Variants in RNF213 observed in about 807,000 individuals in gnomAD.
RNF213 encodes ring finger protein 213.
RNF213 carries 341 observed loss-of-function variants against 514.4 expected under a neutral mutation model. The ratio of observed to expected loss-of-function variants is 0.66; its 90% CI spans 0.61 to 0.73. The LOEUF (loss-of-function observed/expected upper bound fraction) is 0.73, where lower values mean the gene tolerates loss of function less well. Among genes scored for constraint, RNF213 ranks in the 30% least tolerant of loss-of-function variants. RNF213 has a pLI of 0.00. For missense variants in RNF213, 5,767 were observed against 6,615.6 expected, an observed-to-expected ratio of 0.87 and a Z score of 4.45; for synonymous variants, 2,655 against 2,658.2, an observed-to-expected ratio of 1.00 and a Z score of 0.04.
chr17:80,327,819 C>T lies in RNF213; in HGVS notation c.3197C>T (p.Thr1066Ile). The T allele has an allele frequency of 6.5e-7, 1 of 1,535,802 alleles. No individual in the cohort carries two copies. Among genetic ancestry groups the T allele is most frequent in the Non-Finnish European group, 8.7e-7 (1 of 1,145,740 alleles). The change falls in exon 19 of 68, where the codon ACC (threonine) becomes ATC (isoleucine). Residue 1066 changes from threonine to isoleucine, a missense_variant. Thr to Ile is a moderately conservative substitution (Grantham distance 89). Transcript: ENST00000582970. ...ACTGTGTTCTTCATCTATTCAGGAA[C>T]CGACGAGAAAATACTAGCAAATGTC... ...DVKHVFRLCGTDEKILANVTE... is the reference protein window; with the variant it reads ...DVKHVFRLCGIDEKILANVTE...
At chr17:80,330,029 A>G (rs762003841) in intron 20 of RNF213, among the ~76,000 whole-genome samples, 5 of 151,980 alleles carry the variant, frequency 3.3e-5, no homozygotes, top group African/African-American at 7.2e-5. Flanking sequence ...CGGATTTTCT[A>G]TCTCTGTTTT....
intron 15 of RNF213, 104 bp downstream of exon 15, chr17:80,313,271 C>G (rs567897744): frequency 1.4e-6 from 2 of 1,426,760 alleles, no homozygotes; most frequent in African/African-American, 2.8e-5. Context: ...CAGTTGTTGG[C>G]CTTCACCTGA....
rs1015511932 is a variant in RNF213, at chr17:80,264,277, G to T, written c.97+499G>T. Among the ~76,000 whole-genome samples the T allele has an allele frequency of 1.3e-5, 2 of 152,188 alleles. No homozygotes were observed. Among genetic ancestry groups the T allele is most frequent in the African/African-American group, 4.8e-5 (2 of 41,460 alleles). On this transcript the variant is annotated intron_variant, in intron 2 of 67. Coordinates refer to ENST00000582970, the MANE Select transcript of RNF213 (RefSeq NM_001256071.3). This position sits in a 1 kb window ranked among gnomAD's most constrained non-coding sequence, Gnocchi z 5.0. Reference sequence around the variant, plus strand: ...GCAGGGAAGCAGAGTTTGAGGCTCTGCAGGGGTTGAGAGCTCTGCCTGGGT... The same window carrying T: ...GCAGGGAAGCAGAGTTTGAGGCTCTTCAGGGGTTGAGAGCTCTGCCTGGGT...
At chr17:80,329,085 C>T (rs1287065489) in intron 20 of RNF213, among the ~76,000 whole-genome samples, 6 of 152,224 alleles carry the variant, frequency 3.9e-5, no homozygotes, top group African/African-American at 1.4e-4. Flanking sequence ...AAGGAACCTG[C>T]CAACCCTGGG....
rs990482168 is a variant in RNF213, at chr17:80,333,087, C to T, written c.4143+456C>T. Among the ~76,000 whole-genome samples the T allele has an allele frequency of 4.0e-5, 6 of 150,992 alleles. No individual in the cohort carries two copies. In the South Asian group the frequency reaches 6.2e-4, roughly 16 times the overall value. On this transcript the variant is annotated intron_variant, in intron 21 of 67. Coordinates refer to ENST00000582970, the MANE Select transcript of RNF213 (RefSeq NM_001256071.3). Reference sequence around the variant, plus strand: ...TTTTTGAGATGGAGTCTCGCTCTGTCGTCCAGGCTGGAGTGCAGTGGCGCG... The same window carrying T: ...TTTTTGAGATGGAGTCTCGCTCTGTTGTCCAGGCTGGAGTGCAGTGGCGCG...
At chr17:80,283,123 T>C (rs1356676161) in intron 3 of RNF213, among the ~76,000 whole-genome samples, 1 of 152,088 alleles carries the variant, frequency 6.6e-6, no homozygotes, top group African/African-American at 2.4e-5. Flanking sequence ...GCTATGGTTA[T>C]GTAGTTCGAG....
Position 80,327,901 on chromosome 17 carries a change from T to C in RNF213, c.3279T>C (p.Val1093=), listed in dbSNP as rs2046320539. 6.5e-7 allele frequency: 1 copy of C among 1,537,282 alleles called. No homozygotes were observed. Among genetic ancestry groups the C allele is most frequent in the Non-Finnish European group, 8.7e-7 (1 of 1,146,904 alleles). The stretch of plus-strand genomic sequence containing the variant: ...CCGACTCTGTGTTGACGAAAGTTGT[T>C]GGTGACCTCCTAAGTGGCACGATTT... ...AVADSVLTKV[V]GDLLSGTILV... is the part of the protein sequence containing the mutation. The change falls in exon 19 of 68, where the codon GTT becomes GTC. Residue 1093 remains valine (V), a synonymous_variant. Transcript: ENST00000582970.
In RNF213 at chr17:80,317,535, C is replaced by A. The variant is rs564901999; in HGVS notation, c.2901+258C>A. On this transcript the variant is annotated intron_variant, in intron 16 of 67. Transcript: ENST00000582970. The surrounding 1 kb of genome is among the most constrained non-coding windows in gnomAD (Gnocchi z 4.1). ...TGGGGGTGCGGGATTTTTCCTGACC[C>A]CTTCGTTGGACTTGCGACAGGGATG... is the stretch of plus-strand genomic sequence containing the variant. Among the ~76,000 whole-genome samples the A allele has an allele frequency of 2.6e-4, 39 of 152,294 alleles. No homozygotes were observed. The highest frequency in any genetic ancestry group is 5.0e-4 in the Non-Finnish European group (34 of 68,032).
intron 23 of RNF213, chr17:80,336,900 C>A: frequency 2.1e-5 from 4 of 187,266 alleles, no homozygotes; most frequent in Non-Finnish European, 3.4e-5. Context: ...GACTCTGTCT[C>A]AAAAAAAAGA....
At chr17:80,293,594 CG>C in intron 8 of RNF213, among the ~76,000 whole-genome samples, 1 of 151,860 alleles carries the variant, frequency 6.6e-6, no homozygotes, top group African/African-American at 2.4e-5. Context: ...GAGGCCGAGG[CG>C]GGCGGATCAC....
intron 2 of RNF213, among the ~76,000 whole-genome samples, chr17:80,265,496 C>T (rs547760759): frequency 1.3e-5 from 2 of 152,318 alleles, no homozygotes; most frequent in East Asian, 3.9e-4. Context: ...GTACATGATG[C>T]TTTTGAACAT....
At position 80,288,372 on chromosome 17, in the gene RNF213, T is replaced by G. The variant is rs1000318454; in HGVS notation, c.810+9T>G. 1.2e-6 allele frequency: 2 copies of G among 1,611,636 alleles called. No homozygotes were observed. The highest frequency in any genetic ancestry group is 1.7e-6 in the Non-Finnish European group (2 of 1,179,914). On this transcript the variant is annotated intron_variant, in intron 4 of 67. Transcript: ENST00000582970. This position sits in a 1 kb window ranked among gnomAD's most constrained non-coding sequence, Gnocchi z 4.9. ...GGGCCTCAGCCTCTATGGTGAGTCA[T>G]CCGGGAGAGATGGCCTGGGAGTGGC...
rs1343037103 is a variant in RNF213 at position 80,317,301 on chromosome 17, T to G, written c.2901+24T>G. On this transcript the variant is annotated intron_variant, in intron 16 of 67. Transcript: ENST00000582970. The surrounding 1 kb of genome is among the most constrained non-coding windows in gnomAD (Gnocchi z 4.1). ...AGGTACCAAAAGTTTGGGGGCAGTC[T>G]TTTCAGGGCGTGAAGGCAAGCTGGA... 2 of 1,605,636 alleles carry G rather than the reference T, an allele frequency of 1.2e-6. No individual in the cohort carries two copies. The highest frequency in any genetic ancestry group is 1.7e-6 in the Non-Finnish European group (2 of 1,176,322).
At chr17:80,361,261 T>C (rs1276280204) in intron 38 of RNF213, among the ~76,000 whole-genome samples, 10 of 152,204 alleles carry the variant, frequency 6.6e-5, no homozygotes, top group African/African-American at 1.9e-4. Flanking sequence ...CCAGGCGCAG[T>C]GGTTCACAAC....
intron 3 of RNF213, among the ~76,000 whole-genome samples, chr17:80,274,570 C>T (rs72847097): frequency 0.27 from 12,997 of 47,846 alleles, 2,368 homozygotes; most frequent in Non-Finnish European, 0.36. Flanking sequence ...GTGATGCAGC[C>T]GCAGTGCTGT....
At position 80,332,387 on chromosome 17, in the gene RNF213, T is replaced by C. The variant is rs2046440018; in HGVS notation, c.3899T>C (p.Leu1300Pro). ...GATCTAAAGTCAGGAGAGGTCACCC[T>C]TGCAGAGATTGATGTCATCTTCAAG... ...HQDLKSGEVT[L>P]AEIDVIFKDF... Residue 1300 changes from leucine to proline, a missense_variant, in exon 21 of 68, where the codon CTT becomes CCT. Around this residue, in one of 13 missense-constraint regions of RNF213, gnomAD observed 516 missense variants for 566.5 expected, o/e 0.91. Transcript: ENST00000582970. 6.5e-7 allele frequency: 1 copy of C among 1,537,064 alleles called. No homozygotes were observed. Among genetic ancestry groups the C allele is most frequent in the African/African-American group, 1.4e-5 (1 of 73,052 alleles).
At position 80,353,991 on chromosome 17, in the gene RNF213, C is replaced by T. The variant is rs1230460335; in HGVS notation, c.10579-28C>T. ...TTGCCCACTGTGTCAGTGGCAGAAA[C>T]GGATGACCCAACCGTCTCCACCAAC... is the stretch of plus-strand genomic sequence containing the variant. On this transcript the variant is annotated intron_variant, in intron 34 of 67. Coordinates refer to ENST00000582970, the MANE Select transcript of RNF213 (RefSeq NM_001256071.3). The surrounding 1 kb of genome is among the most constrained non-coding windows in gnomAD (Gnocchi z 5.0). 6 of 1,613,240 alleles carry T rather than the reference C, an allele frequency of 3.7e-6. No homozygotes were observed. The highest frequency in any genetic ancestry group is 2.7e-5 in the African/African-American group (2 of 74,916).
At position 80,389,308 on chromosome 17, in the gene RNF213, C is replaced by A. The variant is rs1160449405; in HGVS notation, c.15136C>A (p.Leu5046Met). The A allele has an allele frequency of 1.2e-6, 2 of 1,614,214 alleles. No individual in the cohort carries two copies. Among genetic ancestry groups the A allele is most frequent in the South Asian group, 2.2e-5 (2 of 91,074 alleles). Reference protein sequence around the residue: ...STAGGDPNMQLNVYTQDILQM... With the variant: ...STAGGDPNMQMNVYTQDILQM... Reference sequence around the variant, plus strand: ...AGCTGGTGGGGATCCAAACATGCAGCTGAATGTGTATACTCAAGACATCCT... The same window carrying A: ...AGCTGGTGGGGATCCAAACATGCAGATGAATGTGTATACTCAAGACATCCT... Residue 5046 changes from leucine (L) to methionine (M), a missense_variant, in exon 65 of 68, where the codon CTG becomes ATG. By Grantham distance (15) the Leu-to-Met change is conservative (BLOSUM62 2). This residue lies in a region of RNF213 where 1,245 missense variants were observed against 1,339.0 expected (regional missense o/e 0.93). Coordinates refer to ENST00000582970, the MANE Select transcript of RNF213 (RefSeq NM_001256071.3).
At chr17:80,308,762 C>T (rs546863629) in intron 13 of RNF213, among the ~76,000 whole-genome samples, 3 of 152,196 alleles carry the variant, frequency 2.0e-5, no homozygotes, top group East Asian at 3.9e-4. Context: ...CATCTTGGAA[C>T]GCACTGAGGA....
Sources: gnomAD v4.1 joint callset for allele counts (sites outside exome capture counted in the v4.1 genomes callset) on GRCh38, gnomAD v4.1.1 for gene constraint, gnomAD v4.1.1 regional missense constraint, Gnocchi (gnomAD v3.1) non-coding constraint, MANE v1.5 for transcripts, NCBI Gene and HGNC (gene_info 2026-07-23, HGNC 2026-07-21) for gene names.